The following EEF2K variants were observed in gnomAD, a reference collection of about 807,000 sequenced individuals.
The protein encoded by EEF2K is alternative protein EEF2K.
In EEF2K, 70 loss-of-function variants were observed where a neutral mutation model predicts 93.8. The ratio of observed to expected loss-of-function variants is 0.75; its 90% CI spans 0.62 to 0.91. The LOEUF (loss-of-function observed/expected upper bound fraction) is 0.91. Among genes scored for constraint, EEF2K ranks in the 40% least tolerant of loss-of-function variants. EEF2K has a pLI of 0.00. For missense variants in EEF2K, 935 were observed against 972.9 expected, an observed-to-expected ratio of 0.96 and a Z score of 0.52; for synonymous variants, 376 against 380.8, an observed-to-expected ratio of 0.99 and a Z score of 0.15.
At chr16:22,269,138 C>T (rs1189688496) in intron 15 of EEF2K, among the ~76,000 whole-genome samples, 4 of 152,078 alleles carry the variant, frequency 2.6e-5, no homozygotes, top group East Asian at 1.9e-4. Context: ...GAAATTTGTT[C>T]TCTCACAGTT....
intron 11 of EEF2K, among the ~76,000 whole-genome samples, chr16:22,262,497 G>A (rs62044789): frequency 0.094 from 14,269 of 151,908 alleles, 718 homozygotes; most frequent in South Asian, 0.13. Flanking sequence ...GTGACAGAGC[G>A]AGACTCCATC....
intron 1 of EEF2K, among the ~76,000 whole-genome samples, chr16:22,221,365 T>C (rs2047009821): frequency 6.6e-6 from 1 of 152,034 alleles, no homozygotes; most frequent in Non-Finnish European, 1.5e-5. Context: ...CATGGACTGC[T>C]CTGGAGGCTG....
intron 2 of EEF2K, among the ~76,000 whole-genome samples, chr16:22,226,346 T>G (rs1162227455): frequency 2.7e-5 from 4 of 149,056 alleles, no homozygotes; most frequent in African/African-American, 9.8e-5. Flanking sequence ...TTTTTTTTTT[T>G]TTTTAAAGAA....
intron 6 of EEF2K, among the ~76,000 whole-genome samples, chr16:22,253,185 T>A (rs1396534943): frequency 6.6e-6 from 1 of 152,204 alleles, no homozygotes; most frequent in African/African-American, 2.4e-5. Flanking sequence ...GATGAGTGAC[T>A]GAGGCCAAGC....
intron 1 of EEF2K, among the ~76,000 whole-genome samples, chr16:22,222,683 CATG>C (rs1017567881): frequency 1.6e-5 from 2 of 126,318 alleles, no homozygotes; most frequent in Non-Finnish European, 3.3e-5. Context: ...GCCTGGCCAA[CATG>C]GTGAAACCCC....
chr16:22,226,055 A>G (rs2047060693), intron 2 of EEF2K, 80 bp downstream of exon 2: 1 of 1,564,642 alleles, frequency 6.4e-7, no homozygotes, highest in South Asian at 1.2e-5. Flanking sequence ...CTGGTTGGGG[A>G]CTTCTTCGTA....
chr16:22,253,652 C>T (rs926607639), intron 6 of EEF2K, among the ~76,000 whole-genome samples: 2 of 151,678 alleles, frequency 1.3e-5, no homozygotes. Context: ...ACCTCTGTCA[C>T]ATCATTCTAA....
chr16:22,235,173 A>C (rs2047155982), intron 2 of EEF2K, among the ~76,000 whole-genome samples: 1 of 151,810 alleles, frequency 6.6e-6, no homozygotes, highest in Admixed American at 6.6e-5. Context: ...GAGATTGTAC[A>C]ACTGCACTCC....
intron 1 of EEF2K, among the ~76,000 whole-genome samples, chr16:22,222,192 T>C (rs993831502): frequency 4.6e-5 from 7 of 152,062 alleles, no homozygotes; most frequent in Non-Finnish European, 7.4e-5. Context: ...AGGTCCTTTT[T>C]CTTTTCTTTT....
chr16:22,250,637 T>C lies in EEF2K; in HGVS notation c.409-17T>C. ...TGGGGCATGGGGACTGATAACACTC[T>C]GTGTGGTGTCTTTCAGCCCTTCGGC... On this transcript the variant is annotated splice_polypyrimidine_tract_variant and intron_variant, in intron 4 of 17. Coordinates refer to ENST00000263026, the MANE Select transcript of EEF2K (RefSeq NM_013302.5). The C allele has an allele frequency of 1.9e-6, 3 of 1,613,636 alleles. No individual in the cohort carries two copies. Among genetic ancestry groups the C allele is most frequent in the Non-Finnish European group, 1.7e-6 (2 of 1,180,022 alleles).
At chr16:22,276,596 A>T (rs1432509028) in intron 16 of EEF2K, among the ~76,000 whole-genome samples, 2 of 152,186 alleles carry the variant, frequency 1.3e-5, no homozygotes, top group African/African-American at 4.8e-5. Flanking sequence ...AGAAACGCCA[A>T]GGAAGGATGG....
At position 22,258,513 on chromosome 16, in the gene EEF2K, TGAGAG is replaced by T; in HGVS notation, c.1052_1056del (p.Arg351AsnfsTer65). On this transcript the variant is annotated frameshift_variant, in exon 10 of 18. Transcript: ENST00000263026. LOFTEE classifies it high-confidence loss of function. Reference sequence around the variant, plus strand: ...CCCTAGCAATCAGCCAAGACCATCTTGAGAGGAACAGAGGAAAAATGTGGGAGCCC... The same window carrying T: ...CCCTAGCAATCAGCCAAGACCATCTTGAACAGAGGAAAAATGTGGGAGCCC... The T allele has an allele frequency of 6.2e-7, 1 of 1,613,980 alleles. No homozygotes were observed.
rs2047745040 is a variant in EEF2K, at chr16:22,285,450, G to A, written c.*1454G>A. On this transcript the variant is annotated 3_prime_UTR_variant, in exon 18 of 18. Transcript: ENST00000263026. ...AGTCTCCCCATGGCCAGACAATGGC[G>A]ATTGTTATTTAATGAGCTTTTCCTT... The A allele has an allele frequency of 6.6e-6, 1 of 152,202 alleles. No individual in the cohort carries two copies. The highest frequency in any genetic ancestry group is 6.5e-5 in the Admixed American group (1 of 15,276). The allele number at this position is 152,202 out of a possible 1,614,324, so 9.4% of individuals were successfully genotyped here. A position where few individuals can be genotyped will look rare whatever the true frequency, so the allele number is the denominator to read the frequency against.
chr16:22,260,582 G>C (rs768421667), intron 11 of EEF2K, 53 bp downstream of exon 11: 42 of 1,607,802 alleles, frequency 2.6e-5, no homozygotes, highest in Non-Finnish European at 3.4e-5. Context: ...AGGGGTAGGA[G>C]TGGATTCACT....
At position 22,286,903 on chromosome 16, in the gene EEF2K, A is replaced by T. The variant is rs1242763952; in HGVS notation, c.*2907A>T. The T allele has an allele frequency of 1.3e-5, 2 of 151,300 alleles. No individual in the cohort carries two copies. The highest frequency in any genetic ancestry group is 2.4e-5 in the African/African-American group (1 of 41,072). The allele number at this position is 151,300 out of a possible 1,614,324, so 9.4% of individuals were successfully genotyped here. On this transcript the variant is annotated 3_prime_UTR_variant, in exon 18 of 18. Transcript: ENST00000263026. The stretch of plus-strand genomic sequence containing the variant: ...CTGGAACTGTCACCCCCGCAATTCT[A>T]CTCCCCACCCACCCATGTGACCTTA...
intron 2 of EEF2K, among the ~76,000 whole-genome samples, chr16:22,229,729 T>G (rs1160478882): frequency 6.6e-6 from 1 of 152,052 alleles, no homozygotes; most frequent in Non-Finnish European, 1.5e-5. Flanking sequence ...AAGGCGAACA[T>G]TATTGGACTT....
intron 1 of EEF2K, among the ~76,000 whole-genome samples, chr16:22,224,636 CA>C (rs766417140): frequency 4.3e-4 from 50 of 117,466 alleles, no homozygotes; most frequent in East Asian, 6.3e-4. Flanking sequence ...GATTCTGTCT[CA>C]AAAAAAAAAA....
At chr16:22,251,121 AG>A in intron 5 of EEF2K, 29 bp from the exon 6 acceptor site, 1 of 1,600,950 alleles carries the variant, frequency 6.2e-7, no homozygotes, top group Non-Finnish European at 8.5e-7. Context: ...CAGAGTACCC[AG>A]GTAGGCCCCC....
chr16:22,267,558 G>A (rs117834234), intron 15 of EEF2K, among the ~76,000 whole-genome samples: 3,188 of 151,514 alleles, frequency 0.021, 48 homozygotes, highest in Non-Finnish European at 0.033. Context: ...TCACACTACT[G>A]CACTCTAGCC....
Sources: allele counts gnomAD v4.1 joint callset (sites outside exome capture counted in the v4.1 genomes callset), GRCh38; gene constraint gnomAD v4.1.1; transcripts MANE v1.5; gene names NCBI Gene and HGNC (gene_info 2026-07-23, HGNC 2026-07-21).